OR1J2: variants seen among roughly 807,000 people sequenced by gnomAD.
The protein encoded by OR1J2 is olfactory receptor family 1 subfamily J member 2.
For synonymous variants in OR1J2, 142 were observed against 99.7 expected, an observed-to-expected ratio of 1.42 and a Z score of -2.52; for missense variants, 304 against 246.1, an observed-to-expected ratio of 1.24 and a Z score of -1.57.
chr9:122,480,456 T>C, the OR1J2 span, among the ~76,000 whole-genome samples: 3 of 152,162 alleles, frequency 2.0e-5, no homozygotes, highest in South Asian at 6.2e-4. Context: ...TCTTTCTAAC[T>C]TGTATTTTAT....
the OR1J2 span, among the ~76,000 whole-genome samples, chr9:122,559,097 C>T: frequency 6.6e-6 from 1 of 152,068 alleles, no homozygotes; most frequent in Non-Finnish European, 1.5e-5. Context: ...AATTACAATA[C>T]ATTATTGTTA....
the OR1J2 span, among the ~76,000 whole-genome samples, chr9:122,456,920 G>A: frequency 2.6e-5 from 4 of 152,136 alleles, no homozygotes; most frequent in Non-Finnish European, 5.9e-5. Flanking sequence ...ATACATGCGT[G>A]TGTATGTTCA....
the OR1J2 span, among the ~76,000 whole-genome samples, chr9:122,485,076 A>G: frequency 6.6e-6 from 1 of 152,016 alleles, no homozygotes; most frequent in Non-Finnish European, 1.5e-5. Context: ...TCACTTTCTC[A>G]ACTGGATTCA....
the OR1J2 span, among the ~76,000 whole-genome samples, chr9:122,501,957 T>A: frequency 6.6e-6 from 1 of 152,036 alleles, no homozygotes; most frequent in African/African-American, 2.4e-5. Flanking sequence ...CACCTCAGAT[T>A]TTTCCACCCT....
the OR1J2 span, chr9:122,567,736 C>T: frequency 5.0e-5 from 81 of 1,613,830 alleles, no homozygotes; most frequent in Middle Eastern, 1.6e-4. Context: ...AGCGTCACCA[C>T]GGTGAGGTAA....
the OR1J2 span, among the ~76,000 whole-genome samples, chr9:122,455,758 T>C: frequency 6.6e-6 from 1 of 152,194 alleles, no homozygotes; most frequent in African/African-American, 2.4e-5. Context: ...TTTGGTGTCA[T>C]GTCTATGAAA....
the OR1J2 span, chr9:122,477,127 G>C: frequency 1.9e-6 from 3 of 1,613,990 alleles, no homozygotes; most frequent in South Asian, 2.2e-5. Flanking sequence ...CTTGTCATTG[G>C]TGTTGCTGGA....
the OR1J2 span, chr9:122,519,298 C>G: frequency 1.6e-5 from 26 of 1,614,074 alleles, no homozygotes; most frequent in East Asian, 5.1e-4. Flanking sequence ...CGGCTGGACT[C>G]TCACCTTCAC....
chr9:122,558,311 CTTTTTTTTTTTTTTTT>C, the OR1J2 span, among the ~76,000 whole-genome samples: 815 of 34,520 alleles, frequency 0.024, 39 homozygotes, highest in Non-Finnish European at 0.025. Flanking sequence ...TTGGATTTTG[CTTTTTTTTTTTTTTTT>C]TTTTTTTTTT....
At chr9:122,528,552 C>T in the OR1J2 span, among the ~76,000 whole-genome samples, 3 of 152,166 alleles carry the variant, frequency 2.0e-5, no homozygotes, top group South Asian at 2.1e-4. Context: ...GAGCCGAGAT[C>T]ATGCCATTGC....
chr9:122,528,700 A>C, the OR1J2 span, among the ~76,000 whole-genome samples: 1 of 152,222 alleles, frequency 6.6e-6, no homozygotes, highest in Non-Finnish European at 1.5e-5. Flanking sequence ...AAAAACTAAA[A>C]CTGAAGGCTT....
At chr9:122,540,721 C>G in the OR1J2 span, among the ~76,000 whole-genome samples, 9 of 152,156 alleles carry the variant, frequency 5.9e-5, no homozygotes, top group African/African-American at 1.9e-4. Context: ...TGGCCATTTT[C>G]ACGATATTGA....
At chr9:122,531,896 G>T in the OR1J2 span, among the ~76,000 whole-genome samples, 2 of 152,172 alleles carry the variant, frequency 1.3e-5, no homozygotes, top group Non-Finnish European at 2.9e-5. Context: ...TACCTATCCA[G>T]TGAAAGTGTC....
the OR1J2 span, among the ~76,000 whole-genome samples, chr9:122,458,611 C>T: frequency 9.9e-5 from 15 of 152,142 alleles, no homozygotes; most frequent in African/African-American, 3.6e-4. Context: ...CATCGTATCT[C>T]GTGAGACTTA....
the OR1J2 span, among the ~76,000 whole-genome samples, chr9:122,484,983 A>T: frequency 6.6e-6 from 1 of 152,102 alleles, no homozygotes; most frequent in Non-Finnish European, 1.5e-5. Flanking sequence ...GTGAGTTGAG[A>T]TTCTGCCACT....
At chr9:122,526,550 C>A in the OR1J2 span, 1 of 1,611,872 alleles carries the variant, frequency 6.2e-7, no homozygotes, top group Non-Finnish European at 8.5e-7. Context: ...TCCCATAGAA[C>A]ACACAAACAA....
the OR1J2 span, chr9:122,449,035 A>G: frequency 6.6e-6 from 1 of 151,654 alleles, no homozygotes; most frequent in Non-Finnish European, 1.5e-5. Context: ...TAAGAACAAG[A>G]TGACGTTTCT....
the OR1J2 span, among the ~76,000 whole-genome samples, chr9:122,536,587 CCTTTT>C: frequency 6.6e-6 from 1 of 152,182 alleles, no homozygotes; most frequent in African/African-American, 2.4e-5. Context: ...CCCTGGCTTC[CCTTTT>C]CTTTACATTT....
chr9:122,572,578 G>C, the OR1J2 span, among the ~76,000 whole-genome samples: 1 of 131,480 alleles, frequency 7.6e-6, no homozygotes, highest in Non-Finnish European at 1.7e-5. Flanking sequence ...TTTTGGGTTT[G>C]GTTTTTTTTT....
Sources: gnomAD v4.1 joint callset for allele counts (sites outside exome capture counted in the v4.1 genomes callset) on GRCh38, gnomAD v4.1.1 for gene constraint, MANE v1.5 for transcripts, NCBI Gene and HGNC (gene_info 2026-07-23, HGNC 2026-07-21) for gene names.